Variants in NOS1 observed in about 807,000 individuals in gnomAD.
NOS1 encodes nitric oxide synthase 1, also known as NOS type I.
NOS1 carries 51 observed loss-of-function variants against 164.5 expected under a neutral mutation model. The observed-to-expected ratio is 0.31, with a 90% CI of 0.25 to 0.39. The LOEUF (loss-of-function observed/expected upper bound fraction) is 0.39. NOS1 is among the 10% of genes least tolerant of loss of function. NOS1 has a pLI of 1.00. For missense variants in NOS1, 1,362 were observed against 1,885.6 expected (o/e 0.72, Z 5.14); for synonymous variants, 719 against 745.8 (o/e 0.96, Z 0.59).
intron 3 of NOS1, among the ~76,000 whole-genome samples, chr12:117,308,565 A>C (rs991348388): frequency 3.3e-5 from 5 of 151,842 alleles, no homozygotes; most frequent in African/African-American, 1.2e-4. Flanking sequence ...CAAAAAAAAA[A>C]CAGCGTATAG....
At chr12:117,340,288 A>G (rs9658264) in intron 1 of NOS1, among the ~76,000 whole-genome samples, 16,937 of 152,146 alleles carry the variant, frequency 0.11, 1,087 homozygotes, top group Admixed American at 0.19. Context: ...ATAAGCATGA[A>G]CCACTGTGCC....
Position 117,330,897 on chromosome 12 carries a change from A to G in NOS1, c.173T>C (p.Ile58Thr), listed in dbSNP as rs1875512224. 1 of 1,613,992 alleles carries G rather than the reference A, an allele frequency of 6.2e-7. No individual in the cohort carries two copies. ...CGCAAGAATGATGTCTCCGGCCTGG[A>G]TGAGGCCACTCTGCTCTGCGGCGCC... is the stretch of plus-strand genomic sequence containing the variant. ...RGGAAEQSGL[I>T]QAGDIILAVN... The change falls in exon 2 of 29, where the codon ATC becomes ACC. Residue 58 changes from isoleucine to threonine, a missense_variant. This residue lies in a region of NOS1 where 362 missense variants were observed against 402.0 expected (regional missense o/e 0.90). Coordinates refer to ENST00000317775, the MANE Select transcript of NOS1 (RefSeq NM_000620.5). The surrounding 1 kb of genome is among the most constrained non-coding windows in gnomAD (Gnocchi z 4.6).
At chr12:117,285,012 T>C (rs2136017696) in intron 7 of NOS1, among the ~76,000 whole-genome samples, 2 of 150,044 alleles carry the variant, frequency 1.3e-5, no homozygotes, top group Admixed American at 1.3e-4. Context: ...ATCATGCCAC[T>C]GTACTCCAGC....
At chr12:117,361,195 C>T (rs2136103593) in intron 1 of NOS1, among the ~76,000 whole-genome samples, 1 of 151,712 alleles carries the variant, frequency 6.6e-6, no homozygotes, top group East Asian at 2.0e-4. Flanking sequence ...GCCTCGTACT[C>T]CTCCTCTTCC....
chr12:117,294,241 G>A (rs556818815), intron 3 of NOS1, among the ~76,000 whole-genome samples: 5 of 152,258 alleles, frequency 3.3e-5, no homozygotes, highest in East Asian at 3.9e-4. Flanking sequence ...TGATGACATC[G>A]GGTCTGGGCC....
intron 1 of NOS1, among the ~76,000 whole-genome samples, chr12:117,337,120 T>A (rs1407015118): frequency 1.5e-5 from 2 of 132,702 alleles, no homozygotes; most frequent in African/African-American, 2.9e-5. Context: ...TTTTTTTTTT[T>A]TTTTTTTTTT....
rs776193523 is a variant in NOS1 at position 117,265,307 on chromosome 12, G to A, written c.2136+9C>T. The A allele has an allele frequency of 5.9e-6, 9 of 1,536,104 alleles. No individual in the cohort carries two copies. The highest frequency in any genetic ancestry group is 1.4e-5 in the African/African-American group (1 of 73,474). On this transcript the variant is annotated intron_variant, in intron 12 of 28. Transcript: ENST00000317775. The stretch of plus-strand genomic sequence containing the variant: ...CTTAATATGAAAAGAGGCAGGGACA[G>A]GGAAGGACCTGGTATTCGAAGGAGG...
chr12:117,346,395 C>T lies in NOS1; in HGVS notation c.-420-14906G>A, dbSNP rs557886103. Among the ~76,000 whole-genome samples the T allele has an allele frequency of 1.2e-4, 19 of 152,210 alleles. No individual in the cohort carries two copies. In the South Asian group the frequency reaches 2.5e-3, roughly 20 times the overall value. On this transcript the variant is annotated intron_variant, in intron 1 of 28. Transcript: ENST00000317775. Reference sequence around the variant, plus strand: ...CTGAGGCAGGAGAATGGCTTTAACCCGGGAGGCTGAGGTTGTAGTGAGCCA... The same window carrying T: ...CTGAGGCAGGAGAATGGCTTTAACCTGGGAGGCTGAGGTTGTAGTGAGCCA...
intron 17 of NOS1, among the ~76,000 whole-genome samples, chr12:117,251,912 T>G (rs903397860): frequency 6.6e-6 from 1 of 152,024 alleles, no homozygotes; most frequent in Non-Finnish European, 1.5e-5. Context: ...TTTATATTTT[T>G]GGTGGAAACA....
chr12:117,250,170 C>T (rs1042695058), intron 17 of NOS1, among the ~76,000 whole-genome samples: 5 of 152,018 alleles, frequency 3.3e-5, no homozygotes, highest in Non-Finnish European at 5.9e-5. Flanking sequence ...CCAGGTGCCT[C>T]ACAGGTGTAA....
chr12:117,230,029 C>T (rs1252980410), intron 22 of NOS1, among the ~76,000 whole-genome samples: 2 of 152,238 alleles, frequency 1.3e-5, no homozygotes, highest in Non-Finnish European at 2.9e-5. Flanking sequence ...AAGTGATCCT[C>T]CCACCTTAGC....
At chr12:117,315,819 T>C (rs1430277113) in intron 2 of NOS1, among the ~76,000 whole-genome samples, 2 of 152,204 alleles carry the variant, frequency 1.3e-5, no homozygotes, top group Non-Finnish European at 2.9e-5. Context: ...ATATCTGCAA[T>C]GATTAAGGGA....
chr12:117,302,756 ATTT>A (rs1566067046), intron 3 of NOS1, among the ~76,000 whole-genome samples: 2 of 151,656 alleles, frequency 1.3e-5, no homozygotes, highest in South Asian at 4.2e-4. Context: ...AAATTTTTTT[ATTT>A]TTTTGAGATA....
chr12:117,267,316 G>A lies in NOS1; in HGVS notation c.1941+727C>T, dbSNP rs185164642. On this transcript the variant is annotated intron_variant, in intron 11 of 28. Coordinates refer to ENST00000317775, the MANE Select transcript of NOS1 (RefSeq NM_000620.5). ...CTCAAAAGTGTTGTGGTGGCCAGGC[G>A]TGATTCACGCCTGTAATCCCAGCAC... 9.8e-4 allele frequency among the ~76,000 whole-genome samples: 149 copies of A among 152,294 alleles called. 1 individual carries two copies. The highest frequency in any genetic ancestry group is 3.3e-3 in the African/African-American group (138 of 41,572).
Position 117,211,294 on chromosome 12 carries a change from C to G in NOS1, c.*4015G>C. 2 of 985,348 alleles carry G rather than the reference C, an allele frequency of 2.0e-6. No homozygotes were observed. The highest frequency in any genetic ancestry group is 2.4e-6 in the Non-Finnish European group (2 of 829,936). 61.0% of individuals were successfully genotyped at this position (985,348 alleles called of 1,614,324 possible). A position where few individuals can be genotyped will look rare whatever the true frequency, so the allele number is the denominator to read the frequency against. ...TTAATTTCTCCTTTATTCTCACCCT[C>G]TACAATGGATGGGGTGCCAGGTACG... On this transcript the variant is annotated 3_prime_UTR_variant, in exon 29 of 29. Transcript: ENST00000317775.
chr12:117,218,051 G>C lies in NOS1; in HGVS notation c.4284C>G (p.Thr1428=), dbSNP rs191788603. Residue 1428 remains threonine (T), a synonymous_variant, in exon 28 of 29, where the codon ACC becomes ACG. Coordinates refer to ENST00000317775, the MANE Select transcript of NOS1 (RefSeq NM_000620.5). Reference sequence around the variant, plus strand: ...CAGGGATGGAGCCAGCTTACTCATCGGTGTCTTTTTTGCTCTCTTCAATGA... The same window carrying C: ...CAGGGATGGAGCCAGCTTACTCATCCGTGTCTTTTTTGCTCTCTTCAATGA... ...IAFIEESKKD[T]DEVFSS is the part of the protein sequence containing the mutation. The C allele has an allele frequency of 5.0e-6, 8 of 1,610,576 alleles. No homozygotes were observed. Among genetic ancestry groups the C allele is most frequent in the South Asian group, 2.2e-5 (2 of 90,974 alleles).
At chr12:117,334,638 G>A (rs1156521343) in intron 1 of NOS1, among the ~76,000 whole-genome samples, 6 of 152,038 alleles carry the variant, frequency 3.9e-5, no homozygotes, top group Admixed American at 6.5e-5. Context: ...CAAGTGATCC[G>A]CCTGCCTCAG....
At chr12:117,333,275 C>A (rs1210884548) in intron 1 of NOS1, among the ~76,000 whole-genome samples, 1 of 152,206 alleles carries the variant, frequency 6.6e-6, no homozygotes, top group East Asian at 1.9e-4. Context: ...TTTCCCTGCT[C>A]CCCACTCAAG....
chr12:117,300,250 T>A (rs1873727895), intron 3 of NOS1, among the ~76,000 whole-genome samples: 1 of 152,124 alleles, frequency 6.6e-6, no homozygotes, highest in Admixed American at 6.6e-5. Context: ...AGCATTTCAA[T>A]ATGGGGTGAC....
Sources: allele counts gnomAD v4.1 joint callset (sites outside exome capture counted in the v4.1 genomes callset), GRCh38; gene constraint gnomAD v4.1.1; regional missense constraint gnomAD v4.1.1; non-coding constraint Gnocchi (gnomAD v3.1); transcripts MANE v1.5; gene names NCBI Gene and HGNC (gene_info 2026-07-23, HGNC 2026-07-21).